Variants in MMP16 observed in about 807,000 individuals in gnomAD.
MMP16 encodes the protein matrix metallopeptidase 16.
A neutral mutation model predicts 67.8 loss-of-function variants in MMP16; 12 were observed. The observed-to-expected ratio is 0.18, with a 90% confidence interval of 0.11 to 0.29. MMP16 has a LOEUF of 0.29. Ranked by LOEUF, MMP16 falls within the 10% of genes least tolerant of loss-of-function variation. The pLI, the probability that MMP16 is intolerant of heterozygous loss-of-function variation, is 1.00. For missense variants in MMP16, 475 were observed against 765.7 expected (o/e 0.62, Z 4.48); for synonymous variants, 249 against 255.9 (o/e 0.97, Z 0.26).
At chr8:88,138,943 A>G (rs1303620552) in intron 4 of MMP16, among the ~76,000 whole-genome samples, 1 of 152,124 alleles carries the variant, frequency 6.6e-6, no homozygotes, top group Non-Finnish European at 1.5e-5. Flanking sequence ...AGGTTCACTC[A>G]ATCACTTTTT....
chr8:88,180,882 A>C (rs1482852354), intron 3 of MMP16, among the ~76,000 whole-genome samples: 2 of 152,198 alleles, frequency 1.3e-5, no homozygotes, highest in African/African-American at 4.8e-5. Flanking sequence ...GGCTGATTCA[A>C]GATTTGAAAA....
At chr8:88,263,843 A>G (rs1810428272) in intron 1 of MMP16, among the ~76,000 whole-genome samples, 2 of 151,946 alleles carry the variant, frequency 1.3e-5, no homozygotes, top group South Asian at 2.1e-4. Context: ...TAGGGTCACA[A>G]TTCAATCCAT....
chr8:88,167,616 T>G, intron 4 of MMP16, 53 bp downstream of exon 4: 1 of 1,474,396 alleles, frequency 6.8e-7, no homozygotes, highest in South Asian at 1.4e-5. Context: ...ATCTCTTGGT[T>G]ATTCTGAAAT....
At chr8:88,226,521 T>C (rs1234930465) in intron 1 of MMP16, among the ~76,000 whole-genome samples, 2 of 152,126 alleles carry the variant, frequency 1.3e-5, no homozygotes, top group Non-Finnish European at 2.9e-5. Context: ...TCTGTGGTAT[T>C]TAACATGGGT....
At chr8:88,129,104 G>A (rs1807984961) in intron 4 of MMP16, among the ~76,000 whole-genome samples, 1 of 151,708 alleles carries the variant, frequency 6.6e-6, no homozygotes, top group Non-Finnish European at 1.5e-5. Flanking sequence ...ATGGCCCTCA[G>A]AGTAAACCCA....
At chr8:88,185,559 G>A (rs1442763685) in intron 3 of MMP16, among the ~76,000 whole-genome samples, 1 of 151,944 alleles carries the variant, frequency 6.6e-6, no homozygotes, top group Non-Finnish European at 1.5e-5. Flanking sequence ...ATACACAAAG[G>A]GTTATTTACA....
intron 4 of MMP16, among the ~76,000 whole-genome samples, chr8:88,147,956 T>G (rs966326338): frequency 6.6e-6 from 1 of 152,210 alleles, no homozygotes; most frequent in Non-Finnish European, 1.5e-5. Context: ...TGTATTATAT[T>G]ACATCATTTT....
At chr8:88,191,908 A>G (rs1809174928) in intron 2 of MMP16, among the ~76,000 whole-genome samples, 1 of 152,316 alleles carries the variant, frequency 6.6e-6, no homozygotes, top group East Asian at 1.9e-4. Context: ...TCTGCCACAC[A>G]GTGGCTCTGT....
intron 3 of MMP16, among the ~76,000 whole-genome samples, chr8:88,179,492 T>C (rs1808945040): frequency 6.6e-6 from 1 of 150,700 alleles, no homozygotes; most frequent in South Asian, 2.1e-4. Flanking sequence ...ATGATGCTGA[T>C]CAGAAATGCA....
At chr8:88,059,183 T>C (rs1808366277) in intron 7 of MMP16, among the ~76,000 whole-genome samples, 1 of 152,106 alleles carries the variant, frequency 6.6e-6, no homozygotes, top group Non-Finnish European at 1.5e-5. Context: ...TTTATAAATT[T>C]AGGATGTGTT....
intron 4 of MMP16, among the ~76,000 whole-genome samples, chr8:88,140,902 A>G (rs1043418425): frequency 4.6e-5 from 7 of 152,214 alleles, no homozygotes. Flanking sequence ...TTAAAACTCC[A>G]AAAACAAAAG....
intron 1 of MMP16, among the ~76,000 whole-genome samples, chr8:88,322,646 T>C (rs1412920618): frequency 2.7e-5 from 4 of 150,758 alleles, no homozygotes; most frequent in Admixed American, 6.6e-5. Context: ...CTGGACAACA[T>C]AGTGAGATCT....
At chr8:88,061,939 T>C (rs1234960204) in intron 7 of MMP16, among the ~76,000 whole-genome samples, 4 of 151,898 alleles carry the variant, frequency 2.6e-5, no homozygotes, top group Non-Finnish European at 4.4e-5. Context: ...ATTCCCTTTA[T>C]GAAAACAAAG....
chr8:88,313,860 C>G (rs1323126261), intron 1 of MMP16, among the ~76,000 whole-genome samples: 2 of 152,112 alleles, frequency 1.3e-5, no homozygotes, highest in African/African-American at 2.4e-5. Flanking sequence ...AGAGCTTGTG[C>G]AGAGAAACTC....
chr8:88,083,411 G>A (rs946214923), intron 6 of MMP16, among the ~76,000 whole-genome samples: 1 of 151,974 alleles, frequency 6.6e-6, no homozygotes, highest in South Asian at 2.1e-4. Context: ...GAACAATTGC[G>A]ACAAAGCAAG....
intron 1 of MMP16, among the ~76,000 whole-genome samples, chr8:88,241,521 C>A (rs1207133619): frequency 6.6e-6 from 1 of 151,914 alleles, no homozygotes; most frequent in Admixed American, 6.6e-5. Context: ...GGAAGAAAAG[C>A]TGTTTTTCTC....
At chr8:88,214,352 A>G (rs535630981) in intron 1 of MMP16, among the ~76,000 whole-genome samples, 1 of 152,318 alleles carries the variant, frequency 6.6e-6, no homozygotes, top group East Asian at 1.9e-4. Flanking sequence ...TCTGAAAATT[A>G]TCTAAAATAC....
At chr8:88,238,285 G>C (rs1006189974) in intron 1 of MMP16, among the ~76,000 whole-genome samples, 1 of 152,178 alleles carries the variant, frequency 6.6e-6, no homozygotes, top group Non-Finnish European at 1.5e-5. Context: ...AGCCGAGGCA[G>C]ATGGATCATT....
chr8:88,263,714 T>C (rs1288015023), intron 1 of MMP16, among the ~76,000 whole-genome samples: 2 of 152,192 alleles, frequency 1.3e-5, no homozygotes, highest in African/African-American at 2.4e-5. Context: ...ACCAGTCATA[T>C]TGGATTAGGC....
Sources: gnomAD v4.1 joint callset for allele counts (sites outside exome capture counted in the v4.1 genomes callset) on GRCh38, gnomAD v4.1.1 for gene constraint, MANE v1.5 for transcripts, NCBI Gene and HGNC (gene_info 2026-07-23, HGNC 2026-07-21) for gene names.